Variants in CRB1 observed in about 807,000 individuals in gnomAD.
The protein encoded by CRB1 is crumbs cell polarity complex component 1.
In CRB1, 83 loss-of-function variants were observed where a neutral mutation model predicts 120.0. The ratio of observed to expected loss-of-function variants is 0.69; its 90% CI spans 0.58 to 0.83. The LOEUF is 0.83. Among genes scored for constraint, CRB1 ranks in the 40% least tolerant of loss-of-function variants. CRB1 has a pLI of 0.00. For synonymous variants in CRB1, 625 were observed against 612.5 expected, an observed-to-expected ratio of 1.02 and a Z score of -0.30; for missense variants, 1,699 against 1,687.6, an observed-to-expected ratio of 1.01 and a Z score of -0.12.
At chr1:197,326,642 A>G (rs902814186) in intron 1 of CRB1, among the ~76,000 whole-genome samples, 1 of 151,818 alleles carries the variant, frequency 6.6e-6, no homozygotes, top group Non-Finnish European at 1.5e-5. Flanking sequence ...AAATAATAAT[A>G]ATAATAATAA....
At chr1:197,410,007 G>T (rs1351381505) in intron 5 of CRB1, among the ~76,000 whole-genome samples, 1 of 152,040 alleles carries the variant, frequency 6.6e-6, no homozygotes, top group Non-Finnish European at 1.5e-5. Context: ...GAATGATCTC[G>T]ATCTCCTGAC....
the CRB1 span, chr1:197,222,877 G>T: frequency 1.1e-5 from 15 of 1,423,480 alleles, no homozygotes; most frequent in South Asian, 1.6e-4. Flanking sequence ...GATGAAATTG[G>T]GAAGCATTAC....
intron 1 of CRB1, among the ~76,000 whole-genome samples, chr1:197,286,635 G>C (rs184369420): frequency 6.6e-6 from 1 of 151,990 alleles, no homozygotes; most frequent in Non-Finnish European, 1.5e-5. Flanking sequence ...CATTTGCACA[G>C]AATATAATAA....
chr1:197,386,014 T>A (rs909557745), intron 5 of CRB1, among the ~76,000 whole-genome samples: 3 of 152,068 alleles, frequency 2.0e-5, no homozygotes, highest in African/African-American at 7.2e-5. Flanking sequence ...TCTAAAGCAA[T>A]TTGTACAGGA....
the CRB1 span, among the ~76,000 whole-genome samples, chr1:197,258,358 C>A: frequency 6.6e-6 from 1 of 152,098 alleles, no homozygotes; most frequent in Admixed American, 6.6e-5. Context: ...CCTCCCCATC[C>A]CATGTTTTCT....
At chr1:197,342,734 C>T (rs1659541228) in intron 2 of CRB1, among the ~76,000 whole-genome samples, 1 of 152,084 alleles carries the variant, frequency 6.6e-6, no homozygotes, top group African/African-American at 2.4e-5. Flanking sequence ...TTTTATTCTA[C>T]CTACCCTGAA....
At chr1:197,442,066 CTG>C (rs1665470298) in intron 10 of CRB1, 98 bp from the exon 11 acceptor site, 1 of 1,352,108 alleles carries the variant, frequency 7.4e-7, no homozygotes, top group Non-Finnish European at 1.1e-6. Flanking sequence ...GTAGATAAGA[CTG>C]TGCTGTTCCA....
intron 8 of CRB1, among the ~76,000 whole-genome samples, chr1:197,430,728 T>A (rs1480596386): frequency 6.6e-6 from 1 of 152,206 alleles, no homozygotes; most frequent in Non-Finnish European, 1.5e-5. Flanking sequence ...TGCATTGATA[T>A]ATTTGTCTAT....
At chr1:197,434,092 G>A (rs537213438) in intron 8 of CRB1, among the ~76,000 whole-genome samples, 53 of 152,244 alleles carry the variant, frequency 3.5e-4, no homozygotes, top group Admixed American at 5.9e-4. Flanking sequence ...GAGAGCAATT[G>A]ATATGGTTGT....
chr1:197,374,939 G>A (rs1474767073), intron 5 of CRB1, among the ~76,000 whole-genome samples: 1 of 152,038 alleles, frequency 6.6e-6, no homozygotes, highest in East Asian at 1.9e-4. Flanking sequence ...ACCATATAAG[G>A]CTGTTTGTTT....
the CRB1 span, among the ~76,000 whole-genome samples, chr1:197,240,219 G>T: frequency 2.6e-5 from 4 of 151,948 alleles, no homozygotes; most frequent in South Asian, 6.2e-4. Context: ...TGTGTTTAGA[G>T]AACTTTTTTT....
chr1:197,348,706 A>G (rs1392706955), intron 4 of CRB1, among the ~76,000 whole-genome samples: 1 of 151,864 alleles, frequency 6.6e-6, no homozygotes, highest in East Asian at 1.9e-4. Context: ...TCAATCTCCT[A>G]ACCTTGTGAT....
rs546423739 is a variant in CRB1, at chr1:197,292,126, G to A, written c.70+23644G>A. Among the ~76,000 whole-genome samples the A allele has an allele frequency of 3.1e-3, 477 of 152,068 alleles. 2 individuals carry two copies. The highest frequency in any genetic ancestry group is 0.011 in the Admixed American group (166 of 15,254). On this transcript the variant is annotated intron_variant, in intron 1 of 11. Transcript: ENST00000367400. ...ACCCTTTAAAAAATCAATGAATCCA[G>A]GAGCTGATTTTTTGAAAAGATCAAC... is the stretch of plus-strand genomic sequence containing the variant.
chr1:197,293,439 C>T (rs190940042), intron 1 of CRB1, among the ~76,000 whole-genome samples: 3 of 152,248 alleles, frequency 2.0e-5, no homozygotes, highest in African/African-American at 7.2e-5. Context: ...AAGAACATTC[C>T]ATGCTCATGG....
chr1:197,393,230 C>A (rs1490999126), intron 5 of CRB1, among the ~76,000 whole-genome samples: 2 of 152,036 alleles, frequency 1.3e-5, no homozygotes, highest in Non-Finnish European at 2.9e-5. Context: ...GTATTGCATG[C>A]ACAATGTGTT....
At chr1:197,285,828 A>G (rs538232194) in intron 1 of CRB1, among the ~76,000 whole-genome samples, 20 of 152,078 alleles carry the variant, frequency 1.3e-4, no homozygotes, top group African/African-American at 4.3e-4. Context: ...TAAATAATGA[A>G]AGAGAATCAA....
At chr1:197,219,282 G>C in the CRB1 span, among the ~76,000 whole-genome samples, 8 of 152,326 alleles carry the variant, frequency 5.3e-5, no homozygotes, top group Non-Finnish European at 8.8e-5. Flanking sequence ...CCTGAATTCT[G>C]TGGTAACTAG....
At position 197,316,910 on chromosome 1, in the gene CRB1, C is replaced by CAA. The variant is rs201313713; in HGVS notation, c.71-11501_71-11500dup. Among the ~76,000 whole-genome samples, 822 of 135,932 alleles carry CAA rather than the reference C, an allele frequency of 6.0e-3. 9 individuals carry two copies. Among genetic ancestry groups the CAA allele is most frequent in the South Asian group, 0.021 (92 of 4,368 alleles). 89.2% of individuals were successfully genotyped at this position (135,932 alleles called of 152,430 possible). A position where few individuals can be genotyped will look rare whatever the true frequency, so the allele number is the denominator to read the frequency against. ...AAAGCAATTTCACTTACAATGGCTA[C>CAA]AAAAAAAAAAAACAAAAAAAAACCC... On this transcript the variant is annotated intron_variant, in intron 1 of 11. Coordinates refer to ENST00000367400, the MANE Select transcript of CRB1 (RefSeq NM_201253.3).
chr1:197,328,715 G>A lies in CRB1; in HGVS notation c.364G>A (p.Gly122Arg). Residue 122 changes from glycine (G) to arginine (R), a missense_variant, in exon 2 of 12, where the codon GGA (glycine) becomes AGA (arginine). Gly to Arg is a moderately radical substitution (Grantham distance 125). Transcript: ENST00000367400. ...CTGTGGCAAGAACTCCTGCCAACAT[G>A]GAGGTATTTGCCATCAGGACCCTAT... ...GSCGKNSCQHGGICHQDPIYP... is the reference protein window; with the variant it reads ...GSCGKNSCQHRGICHQDPIYP... The A allele has an allele frequency of 6.2e-7, 1 of 1,612,620 alleles. No individual in the cohort carries two copies. Among genetic ancestry groups the A allele is most frequent in the Non-Finnish European group, 8.5e-7 (1 of 1,178,866 alleles).
Sources: allele counts gnomAD v4.1 joint callset (sites outside exome capture counted in the v4.1 genomes callset), GRCh38; gene constraint gnomAD v4.1.1; transcripts MANE v1.5; gene names NCBI Gene and HGNC (gene_info 2026-07-23, HGNC 2026-07-21).